The following OCIAD1 variants were observed in gnomAD, a reference collection of about 807,000 sequenced individuals.
OCIAD1 encodes OCIA domain-containing protein 1.
Under a neutral mutation model 38.9 loss-of-function variants are expected in OCIAD1, and 29 were observed. That is an observed-to-expected ratio of 0.74 (90% CI 0.55 to 1.02). The LOEUF is 1.02. Among genes scored for constraint, OCIAD1 ranks in the 50% least tolerant of loss-of-function variants. The pLI, the probability that OCIAD1 is intolerant of heterozygous loss-of-function variation, is 0.00. For synonymous variants in OCIAD1, 110 were observed against 92.0 expected, an observed-to-expected ratio of 1.20 and a Z score of -1.12; for missense variants, 288 against 289.6, an observed-to-expected ratio of 0.99 and a Z score of 0.04.
intron 3 of OCIAD1, among the ~76,000 whole-genome samples, chr4:48,838,115 C>G (rs546132749): frequency 6.6e-6 from 1 of 152,134 alleles, no homozygotes; most frequent in South Asian, 2.1e-4. Flanking sequence ...GTCAGGAGTT[C>G]GAGACCAGCC....
Position 48,860,865 on chromosome 4 carries a change from A to G in OCIAD1, c.*103A>G. On this transcript the variant is annotated 3_prime_UTR_variant, in exon 9 of 9. Transcript: ENST00000264312. ...GCTCAGCAGCAGTCTTCATAAACAC[A>G]TTTAAAACAAGATCCTGGGTTTTTG... 1.2e-6 allele frequency: 1 copy of G among 830,136 alleles called. No individual in the cohort carries two copies. The highest frequency in any genetic ancestry group is 2.3e-5 in the Admixed American group (1 of 44,106). 51.4% of individuals were successfully genotyped at this position (830,136 alleles called of 1,614,324 possible). A position where few individuals can be genotyped will look rare whatever the true frequency, so the allele number is the denominator to read the frequency against.
upstream of OCIAD1, among the ~76,000 whole-genome samples, chr4:48,829,442 T>G (rs773615888): frequency 1.3e-5 from 2 of 152,236 alleles, no homozygotes; most frequent in Non-Finnish European, 2.9e-5. Context: ...TATGATCATG[T>G]GCCAATCACT....
chr4:48,854,148 TGG>T (rs1362406593), intron 7 of OCIAD1, among the ~76,000 whole-genome samples: 1 of 152,162 alleles, frequency 6.6e-6, no homozygotes, highest in Admixed American at 6.5e-5. Flanking sequence ...CCCTTATCCA[TGG>T]GGGATAAGTT....
At chr4:48,860,144 A>C (rs1394677984) in intron 8 of OCIAD1, 1 of 152,354 alleles carries the variant, frequency 6.6e-6, no homozygotes, top group Non-Finnish European at 1.5e-5. Context: ...TTAAAATGTA[A>C]AATATAGAGT....
chr4:48,833,334 A>T (rs1777698492), intron 2 of OCIAD1, 67 bp from the exon 3 acceptor site: 1 of 930,014 alleles, frequency 1.1e-6, no homozygotes, highest in African/African-American at 1.7e-5. Flanking sequence ...GTTTAGGCTA[A>T]GATAATTTTT....
chr4:48,811,504 C>T (rs1255381153), intron 1 of OCIAD1, among the ~76,000 whole-genome samples: 2 of 152,198 alleles, frequency 1.3e-5, no homozygotes, highest in Non-Finnish European at 2.9e-5. Context: ...ACATGCCAAG[C>T]AGGTACCCAT....
At chr4:48,846,489 C>A (rs566620336) in intron 4 of OCIAD1, among the ~76,000 whole-genome samples, 3 of 152,128 alleles carry the variant, frequency 2.0e-5, no homozygotes, top group Non-Finnish European at 4.4e-5. Flanking sequence ...TGGCTCATGC[C>A]GGTAATCCCA....
chr4:48,858,151 TC>T (rs34405403), intron 8 of OCIAD1, among the ~76,000 whole-genome samples: 14 of 150,858 alleles, frequency 9.3e-5, no homozygotes, highest in African/African-American at 2.4e-4. Flanking sequence ...GAGGCTCTGT[TC>T]CCCCCTCCCC....
intron 8 of OCIAD1, among the ~76,000 whole-genome samples, chr4:48,859,699 T>A (rs1287043377): frequency 1.3e-5 from 2 of 152,228 alleles, no homozygotes; most frequent in African/African-American, 4.8e-5. Context: ...TGAAATAGTT[T>A]CAGTCATTTT....
At position 48,839,637 on chromosome 4, in the gene OCIAD1, T is replaced by C. The variant is rs551583614; in HGVS notation, c.140-2999T>C. On this transcript the variant is annotated intron_variant, in intron 3 of 8. Transcript: ENST00000264312. ...AATTTAATTAAGTGTTGGCTATCTTTATTAAATAGCTATTAGTGTTATTAT... is the reference window on the plus strand; with the variant it reads ...AATTTAATTAAGTGTTGGCTATCTTCATTAAATAGCTATTAGTGTTATTAT... Among the ~76,000 whole-genome samples the C allele has an allele frequency of 2.6e-5, 4 of 152,292 alleles. No individual in the cohort carries two copies. In the South Asian group the frequency reaches 8.3e-4, roughly 32 times the overall value.
intron 3 of OCIAD1, among the ~76,000 whole-genome samples, chr4:48,841,215 A>T (rs1208450848): frequency 6.6e-6 from 1 of 152,218 alleles, no homozygotes; most frequent in East Asian, 1.9e-4. Flanking sequence ...AGATTGGCCC[A>T]CAAAACCCAA....
Position 48,850,043 on chromosome 4 carries a change from C to T in OCIAD1, c.338C>T (p.Ala113Val), listed in dbSNP as rs777914720. Reference protein sequence around the residue: ...KKLENSPLGEALRSGQARRSS... With the variant: ...KKLENSPLGEVLRSGQARRSS... Reference sequence around the variant, plus strand: ...CTTGAAAATTCCCCCCTTGGAGAAGCTTTACGATCAGGACAAGCACGACGA... The same window carrying T: ...CTTGAAAATTCCCCCCTTGGAGAAGTTTTACGATCAGGACAAGCACGACGA... The change falls in exon 6 of 9, where the codon GCT (alanine) becomes GTT (valine). Residue 113 changes from alanine (A) to valine (V), a missense_variant. By Grantham distance (64) the Ala-to-Val change is moderately conservative (BLOSUM62 0). Coordinates refer to ENST00000264312, the MANE Select transcript of OCIAD1 (RefSeq NM_017830.4). The T allele has an allele frequency of 6.2e-7, 1 of 1,613,364 alleles. No individual in the cohort carries two copies. Among genetic ancestry groups the T allele is most frequent in the Non-Finnish European group, 8.5e-7 (1 of 1,179,824 alleles).
chr4:48,833,916 T>C (rs1001604312), intron 3 of OCIAD1, among the ~76,000 whole-genome samples: 5 of 152,198 alleles, frequency 3.3e-5, no homozygotes, highest in Non-Finnish European at 7.3e-5. Flanking sequence ...TTAATGCTTT[T>C]AACCATTATA....
chr4:48,821,959 G>A (rs1777198740), intron 1 of OCIAD1, among the ~76,000 whole-genome samples: 1 of 152,132 alleles, frequency 6.6e-6, no homozygotes, highest in Non-Finnish European at 1.5e-5. Context: ...TGTGAAAATG[G>A]CCACACTGCC....
chr4:48,860,636 C>G (rs1308060789), intron 8 of OCIAD1, 89 bp from the exon 9 acceptor site: 7 of 988,552 alleles, frequency 7.1e-6, no homozygotes, highest in Non-Finnish European at 9.6e-6. Context: ...GAGAGAGAAA[C>G]ATAACTTTTC....
chr4:48,822,585 A>C (rs1169976098), intron 1 of OCIAD1, among the ~76,000 whole-genome samples: 1 of 152,246 alleles, frequency 6.6e-6, no homozygotes, highest in African/African-American at 2.4e-5. Flanking sequence ...AGCAAAGAAA[A>C]CTATCATCAG....
chr4:48,858,702 A>G (rs1006943195), intron 8 of OCIAD1, among the ~76,000 whole-genome samples: 5 of 151,952 alleles, frequency 3.3e-5, no homozygotes, highest in Non-Finnish European at 7.4e-5. Flanking sequence ...CAGTCCTTTC[A>G]CCTTGGCCTC....
chr4:48,835,636 T>C (rs2109524810), intron 3 of OCIAD1, among the ~76,000 whole-genome samples: 1 of 152,276 alleles, frequency 6.6e-6, no homozygotes, highest in African/African-American at 2.4e-5. Context: ...GGTTTTGCCA[T>C]GTTGCCCAGG....
At chr4:48,808,262 G>A (rs1363476267) in intron 1 of OCIAD1, among the ~76,000 whole-genome samples, 1 of 152,164 alleles carries the variant, frequency 6.6e-6, no homozygotes, top group Non-Finnish European at 1.5e-5. Flanking sequence ...GAGCCCAGGA[G>A]TTCAAGACCA....
Sources: allele counts gnomAD v4.1 joint callset (sites outside exome capture counted in the v4.1 genomes callset), GRCh38; gene constraint gnomAD v4.1.1; transcripts MANE v1.5; gene names NCBI Gene and HGNC (gene_info 2026-07-23, HGNC 2026-07-21).